Variants in CD8B observed in about 807,000 individuals in gnomAD.
CD8B encodes the protein T-cell surface glycoprotein CD8 beta chain.
Under a neutral mutation model 24.2 loss-of-function variants are expected in CD8B, and 6 were observed. The ratio of observed to expected loss-of-function variants is 0.25; its 90% CI spans 0.14 to 0.49. The LOEUF is 0.49. CD8B is among the 20% of genes least tolerant of loss of function. CD8B has a pLI of 0.98. For missense variants in CD8B, 196 were observed against 271.3 expected (o/e 0.72, Z 1.95); for synonymous variants, 84 against 108.3 (o/e 0.78, Z 1.39).
At chr2:86,817,403 TAGG>T (rs755586956) in intron 5 of CD8B, among the ~76,000 whole-genome samples, 10 of 152,044 alleles carry the variant, frequency 6.6e-5, no homozygotes, top group Admixed American at 4.6e-4. Context: ...TAATATCTAA[TAGG>T]GGAATGAATA....
downstream of CD8B, among the ~76,000 whole-genome samples, chr2:86,833,633 C>T (rs1417387673): frequency 2.4e-5 from 3 of 122,768 alleles, 1 homozygote; most frequent in African/African-American, 8.6e-5. Flanking sequence ...CCCTCCCTCC[C>T]TCCCTCCCTT....
chr2:86,829,821 G>A (rs546672279), intron 5 of CD8B, among the ~76,000 whole-genome samples: 4 of 152,040 alleles, frequency 2.6e-5, no homozygotes, highest in African/African-American at 4.8e-5. Flanking sequence ...CCACACCACC[G>A]GCTGTCATTC....
rs1015562602 is a variant in CD8B at position 86,838,458 on chromosome 2, G to A, written c.*3849C>T. 7.9e-5 allele frequency among the ~76,000 whole-genome samples: 12 copies of A among 151,144 alleles called. No individual in the cohort carries two copies. The highest frequency in any genetic ancestry group is 1.3e-4 in the Non-Finnish European group (9 of 67,828). ...TATATTCTCAAGATTTCAATTTTAT[G>A]TTTTAAAAAATATGGGAAGAAAAAA... On this transcript the variant is annotated 3_prime_UTR_variant, in exon 6 of 6. Transcript: ENST00000390655.
chr2:86,850,423 A>G (rs1334584544), intron 3 of CD8B, among the ~76,000 whole-genome samples: 1 of 152,164 alleles, frequency 6.6e-6, no homozygotes, highest in African/African-American at 2.4e-5. Context: ...TTCATTCATG[A>G]TAACAGGCTT....
chr2:86,826,030 T>C (rs1421242296), intron 5 of CD8B, among the ~76,000 whole-genome samples: 1 of 152,098 alleles, frequency 6.6e-6, no homozygotes, highest in Non-Finnish European at 1.5e-5. Flanking sequence ...TTGAAACATT[T>C]GCAGACCAAG....
At chr2:86,827,027 G>T (rs1037915249) in intron 5 of CD8B, among the ~76,000 whole-genome samples, 1 of 151,932 alleles carries the variant, frequency 6.6e-6, no homozygotes, top group African/African-American at 2.4e-5. Flanking sequence ...CACCATGTTG[G>T]CCAGGCTGGT....
intron 1 of CD8B, 78 bp from the exon 2 acceptor site, chr2:86,858,494 G>C (rs1373488268): frequency 1.3e-6 from 2 of 1,494,414 alleles, no homozygotes; most frequent in Non-Finnish European, 8.9e-7. Context: ...ACTGAGTCAA[G>C]TGTCAAAGGA....
At chr2:86,824,531 AAAAGAG>A (rs1674602738) in intron 5 of CD8B, among the ~76,000 whole-genome samples, 1 of 152,196 alleles carries the variant, frequency 6.6e-6, no homozygotes, top group African/African-American at 2.4e-5. Flanking sequence ...TGAGCAGATG[AAAAGAG>A]AAAAAGCCTC....
chr2:86,845,989 A>G lies in CD8B; in HGVS notation c.583+695T>C, dbSNP rs374294884. Among the ~76,000 whole-genome samples, 60 of 152,264 alleles carry G rather than the reference A, an allele frequency of 3.9e-4. No homozygotes were observed. The South Asian group carries it at 0.012, about 31-fold the overall frequency. ...ACCTGCCCATTTCATAGATGCGCAG[A>G]GAGGGGAAGGGGCTTGCTCGAGGTG... On this transcript the variant is annotated intron_variant, in intron 4 of 5. Coordinates refer to ENST00000390655, the MANE Select transcript of CD8B (RefSeq NM_004931.5).
At chr2:86,837,491 C>G (rs965351637), downstream of CD8B, among the ~76,000 whole-genome samples, 19 of 151,988 alleles carry the variant, frequency 1.3e-4, no homozygotes, top group Admixed American at 4.6e-4. Flanking sequence ...AGTGACGCAT[C>G]GAAGGAGGTT....
intron 3 of CD8B, among the ~76,000 whole-genome samples, chr2:86,849,564 CTTACT>C: frequency 3.3e-5 from 5 of 152,078 alleles, no homozygotes; most frequent in African/African-American, 1.2e-4. Context: ...CACAGGGAAT[CTTACT>C]GGGGTGATGG....
chr2:86,856,243 G>A (rs1676241442), intron 2 of CD8B, among the ~76,000 whole-genome samples: 3 of 152,304 alleles, frequency 2.0e-5, no homozygotes, highest in South Asian at 4.1e-4. Context: ...AGTGAGTGCG[G>A]TTGGGATGGA....
In CD8B at chr2:86,840,382, A is replaced by T. The variant is rs556944863; in HGVS notation, c.*1925T>A. On this transcript the variant is annotated 3_prime_UTR_variant, in exon 6 of 6. Coordinates refer to ENST00000390655, the MANE Select transcript of CD8B (RefSeq NM_004931.5). ...ATCTCCCCACACTGAGTAACCAAGG[A>T]TCAAAGGCTACTCTCCCTACAACCC... Among the ~76,000 whole-genome samples the T allele has an allele frequency of 9.2e-5, 14 of 152,324 alleles. 1 individual carries two copies. Among genetic ancestry groups the T allele is most frequent in the South Asian group, 4.1e-4 (2 of 4,824 alleles).
intron 5 of CD8B, among the ~76,000 whole-genome samples, chr2:86,829,597 C>G (rs765283526): frequency 2.0e-5 from 3 of 152,078 alleles, no homozygotes; most frequent in Admixed American, 6.5e-5. Flanking sequence ...CAGACACGTG[C>G]AAGTTAGCTC....
chr2:86,848,229 G>A (rs186243042), intron 3 of CD8B, among the ~76,000 whole-genome samples: 223 of 152,244 alleles, frequency 1.5e-3, no homozygotes, highest in African/African-American at 5.1e-3. Context: ...ACTGACTTCC[G>A]TCCCCACCCA....
chr2:86,830,988 G>A (rs900559453), intron 5 of CD8B, among the ~76,000 whole-genome samples: 1 of 151,214 alleles, frequency 6.6e-6, no homozygotes, highest in African/African-American at 2.4e-5. Context: ...ATTTCTTTTG[G>A]TGTCAGATAT....
At chr2:86,821,232 C>CCTG (rs1674451136) in intron 5 of CD8B, among the ~76,000 whole-genome samples, 1 of 151,728 alleles carries the variant, frequency 6.6e-6, no homozygotes, top group South Asian at 2.1e-4. Flanking sequence ...ACTCATGAAG[C>CCTG]CTGCTGCTCC....
chr2:86,829,095 C>CGTTTTTT (rs1553434639), intron 5 of CD8B, among the ~76,000 whole-genome samples: 3 of 82,992 alleles, frequency 3.6e-5, no homozygotes, highest in Non-Finnish European at 6.7e-5. Flanking sequence ...ATGCTCTTTA[C>CGTTTTTT]TTTTTTTTTT....
chr2:86,852,960 C>T (rs1373699973), intron 3 of CD8B, 37 bp downstream of exon 3: 6 of 1,409,798 alleles, frequency 4.3e-6, no homozygotes, highest in Non-Finnish European at 5.8e-6. Flanking sequence ...GGGATGTCTG[C>T]CTTGTTTCTG....
Sources: gnomAD v4.1 joint callset for allele counts (sites outside exome capture counted in the v4.1 genomes callset) on GRCh38, gnomAD v4.1.1 for gene constraint, MANE v1.5 for transcripts, NCBI Gene and HGNC (gene_info 2026-07-23, HGNC 2026-07-21) for gene names.